Variants in SLC1A7 observed in about 807,000 individuals in gnomAD.
SLC1A7 encodes excitatory amino acid transporter 5.
In SLC1A7, 40 loss-of-function variants were observed where a neutral mutation model predicts 47.7. That is an observed-to-expected ratio of 0.84 (90% CI 0.65 to 1.09). The LOEUF (loss-of-function observed/expected upper bound fraction) is 1.09, where lower values mean the gene tolerates loss of function less well. Among genes scored for constraint, SLC1A7 ranks in the 50% least tolerant of loss-of-function variants. SLC1A7 has a pLI of 0.00. For synonymous variants in SLC1A7, 323 were observed against 325.6 expected (o/e 0.99, Z 0.09); for missense variants, 746 against 769.5 (o/e 0.97, Z 0.36).
chr1:53,131,952 C>T (rs996790719), intron 2 of SLC1A7, among the ~76,000 whole-genome samples: 1 of 151,820 alleles, frequency 6.6e-6, no homozygotes, highest in African/African-American at 2.4e-5. Flanking sequence ...AGATGATGTG[C>T]AAGTTGAGAT....
Position 53,098,403 on chromosome 1 carries a change from C to T in SLC1A7, c.698-4843G>A, listed in dbSNP as rs564390467. On this transcript the variant is annotated intron_variant, in intron 5 of 10. Transcript: ENST00000371494. ...CACACCACCTTGGTACACTCACACA[C>T]TCCACCTTGTTACACTCACACCGCC... 6.2e-4 allele frequency among the ~76,000 whole-genome samples: 94 copies of T among 150,566 alleles called. 1 individual carries two copies. Among genetic ancestry groups the T allele is most frequent in the Non-Finnish European group, 2.5e-4 (17 of 67,528 alleles).
intron 2 of SLC1A7, among the ~76,000 whole-genome samples, chr1:53,121,783 G>C (rs548719735): frequency 3.0e-4 from 45 of 152,360 alleles, no homozygotes; most frequent in Admixed American, 2.3e-3. Context: ...CACGTGGGGA[G>C]GGGACTTTGG....
chr1:53,124,249 A>AACACAC (rs67205575), intron 2 of SLC1A7, among the ~76,000 whole-genome samples: 6 of 6,998 alleles, frequency 8.6e-4, no homozygotes, highest in African/African-American at 9.2e-4. Context: ...ATACATACAC[A>AACACAC]ACACACACAC....
In SLC1A7 at chr1:53,142,481, C is replaced by T. The variant is rs1161022305; in HGVS notation, c.-32G>A. The T allele has an allele frequency of 6.2e-7, 1 of 1,608,958 alleles. No homozygotes were observed. Among genetic ancestry groups the T allele is most frequent in the Non-Finnish European group, 8.5e-7 (1 of 1,177,968 alleles). ...CCTGGCCTGCTGGCAAGGGGCACAG[C>T]ACCATTCCACGCATGAGAGCCCGGC... is the stretch of plus-strand genomic sequence containing the variant. On this transcript the variant is annotated 5_prime_UTR_variant, in exon 1 of 11. Transcript: ENST00000371494.
At chr1:53,123,919 G>A (rs544810681) in intron 2 of SLC1A7, among the ~76,000 whole-genome samples, 41 of 152,234 alleles carry the variant, frequency 2.7e-4, no homozygotes, top group Non-Finnish European at 4.4e-4. Context: ...GCTACCCCCT[G>A]ACTCGGAGGG....
intron 5 of SLC1A7, among the ~76,000 whole-genome samples, chr1:53,097,939 ACACTCACACACCATGCCTCG>A (rs1644517395): frequency 5.0e-5 from 2 of 39,820 alleles, no homozygotes; most frequent in Non-Finnish European, 3.3e-4. Context: ...CCACCTCGGT[ACACTCACACACCATGCCTCG>A]GTACACTCAC....
chr1:53,093,649 T>A (rs1265199604), intron 5 of SLC1A7, 89 bp from the exon 6 acceptor site: 10 of 943,202 alleles, frequency 1.1e-5, no homozygotes, highest in Non-Finnish European at 1.6e-5. Context: ...CCCAGCAGCC[T>A]TGATGCTCCA....
In SLC1A7 at chr1:53,112,664, A is replaced by T. The variant is rs749591126; in HGVS notation, c.431+2094T>A. 6.6e-4 allele frequency among the ~76,000 whole-genome samples: 101 copies of T among 152,206 alleles called. 6 individuals carry two copies. Among genetic ancestry groups the T allele is most frequent in the Non-Finnish European group, 2.2e-4 (15 of 68,030 alleles). ...GAATGTAGGGGCTGGTGCCTGACTC[A>T]TGTCCAAAGGCCCTGGGAAAGGCCA... is the stretch of plus-strand genomic sequence containing the variant. On this transcript the variant is annotated intron_variant, in intron 3 of 10. Coordinates refer to ENST00000371494, the MANE Select transcript of SLC1A7 (RefSeq NM_006671.6).
In SLC1A7 at chr1:53,092,754, C is replaced by G. The variant is rs768010268; in HGVS notation, c.831G>C (p.Ala277=). Residue 277 remains alanine, a synonymous_variant, in exon 7 of 11, where the codon GCG becomes GCC. Coordinates refer to ENST00000371494, the MANE Select transcript of SLC1A7 (RefSeq NM_006671.6). ...GGTCGTCCATCTCCAGGATCTTACC[C>G]GCAATGAGGAACACAATGCCGAAGG... ...YFPFGIVFLI[A]GKILEMDDPR... is the part of the protein sequence containing the mutation. 1.2e-6 allele frequency: 2 copies of G among 1,613,708 alleles called. No homozygotes were observed. The highest frequency in any genetic ancestry group is 1.7e-6 in the Non-Finnish European group (2 of 1,179,874).
In SLC1A7 at chr1:53,099,754, C is replaced by T. The variant is rs938850431; in HGVS notation, c.697+3592G>A. ...CCCTCCTTGTTACACACACACCTTACCTTGGCACACACCCTGTCTCAGTAC... is the reference window on the plus strand; with the variant it reads ...CCCTCCTTGTTACACACACACCTTATCTTGGCACACACCCTGTCTCAGTAC... On this transcript the variant is annotated intron_variant, in intron 5 of 10. Transcript: ENST00000371494. 6.0e-5 allele frequency among the ~76,000 whole-genome samples: 9 copies of T among 150,364 alleles called. No individual in the cohort carries two copies. The East Asian group carries it at 1.8e-3, about 30-fold the overall frequency.
chr1:53,126,452 G>A (rs529027444), intron 2 of SLC1A7, among the ~76,000 whole-genome samples: 2 of 152,286 alleles, frequency 1.3e-5, no homozygotes, highest in Admixed American at 6.5e-5. Context: ...ACTGAAAACC[G>A]CAAACCTGGA....
At position 53,089,814 on chromosome 1, in the gene SLC1A7, G is replaced by C; in HGVS notation, c.1347C>G (p.Ala449=). The part of the protein sequence containing the change: ...LPTDDITLII[A]VDWALDRFRT... ...AGTCCACTCACAGAGCCCAGTCAAC[G>C]GCAATGATGAGGGTGATGTCATCGG... Residue 449 remains alanine, a synonymous_variant, in exon 9 of 11, where the codon GCC becomes GCG. Transcript: ENST00000371494. 1 of 1,613,980 alleles carries C rather than the reference G, an allele frequency of 6.2e-7. No individual in the cohort carries two copies. The highest frequency in any genetic ancestry group is 1.1e-5 in the South Asian group (1 of 91,066).
chr1:53,117,537 C>T (rs1306475688), intron 2 of SLC1A7, among the ~76,000 whole-genome samples: 1 of 152,088 alleles, frequency 6.6e-6, no homozygotes, highest in Non-Finnish European at 1.5e-5. Context: ...TGATCGTGTC[C>T]CTGGAAGGGT....
chr1:53,139,428 AAC>A (rs1645033971), intron 1 of SLC1A7, among the ~76,000 whole-genome samples: 3 of 111,168 alleles, frequency 2.7e-5, no homozygotes, highest in African/African-American at 8.5e-5. Flanking sequence ...CCCTCTCCCC[AAC>A]ACACACAGGG....
At chr1:53,100,705 T>A (rs1490073223) in intron 5 of SLC1A7, among the ~76,000 whole-genome samples, 3 of 150,946 alleles carry the variant, frequency 2.0e-5, no homozygotes, top group Non-Finnish European at 4.4e-5. Flanking sequence ...CTTGCCTGTG[T>A]ACACTCATAC....
chr1:53,101,176 G>T (rs1223606845), intron 5 of SLC1A7, among the ~76,000 whole-genome samples: 3 of 135,274 alleles, frequency 2.2e-5, no homozygotes, highest in Admixed American at 1.5e-4. Flanking sequence ...CCCTGCCTCG[G>T]AACACTCACA....
Position 53,142,620 on chromosome 1 carries a change from A to C in SLC1A7, c.-171T>G, listed in dbSNP as rs1572358678. 1.6e-6 allele frequency: 1 copy of C among 641,828 alleles called. No homozygotes were observed. Among genetic ancestry groups the C allele is most frequent in the East Asian group, 2.9e-5 (1 of 34,738 alleles). The allele number at this position is 641,828 out of a possible 1,614,324, so 39.8% of individuals were successfully genotyped here. On this transcript the variant is annotated 5_prime_UTR_variant, in exon 1 of 11. Transcript: ENST00000371494. ...ATGCCCGTGTGGCCGCCTTAGAGGG[A>C]AGCCACAATCCTATTACCAGCTGCA...
At chr1:53,095,564 ACT>A (rs1158793424) in intron 5 of SLC1A7, among the ~76,000 whole-genome samples, 4 of 146,180 alleles carry the variant, frequency 2.7e-5, no homozygotes, top group Admixed American at 2.7e-4. Context: ...GCCTTGGTAC[ACT>A]CACCCTGCCT....
intron 2 of SLC1A7, among the ~76,000 whole-genome samples, chr1:53,133,689 G>A (rs1272963255): frequency 6.6e-6 from 1 of 152,158 alleles, no homozygotes; most frequent in Non-Finnish European, 1.5e-5. Context: ...AAGGGACCAA[G>A]TGATCTCCCA....
Sources: allele counts gnomAD v4.1 joint callset (sites outside exome capture counted in the v4.1 genomes callset), GRCh38; gene constraint gnomAD v4.1.1; transcripts MANE v1.5; gene names NCBI Gene and HGNC (gene_info 2026-07-23, HGNC 2026-07-21).